SNX24: variants seen among roughly 807,000 people sequenced by gnomAD.
The protein encoded by SNX24 is sorting nexin-24.
In SNX24, 22 loss-of-function variants were observed where a neutral mutation model predicts 28.7. That is an observed-to-expected ratio of 0.77 (90% CI 0.55 to 1.10). SNX24 has a LOEUF of 1.10. SNX24 is among the 50% of genes least tolerant of loss of function. SNX24 has a pLI of 0.00. For missense variants in SNX24, 221 were observed against 201.1 expected, an observed-to-expected ratio of 1.10 and a Z score of -0.60; for synonymous variants, 69 against 71.5, an observed-to-expected ratio of 0.96 and a Z score of 0.18.
chr5:122,901,952 A>C lies in SNX24; in HGVS notation c.61-34782A>C, dbSNP rs548476506. On this transcript the variant is annotated intron_variant, in intron 1 of 6. Transcript: ENST00000261369. ...CGTTCCATCTTTCTCTCTTCCATAA[A>C]CAAACAATATTCTTTTGTCTTATAT... Among the ~76,000 whole-genome samples the C allele has an allele frequency of 2.0e-4, 30 of 152,286 alleles. 1 individual carries two copies. The South Asian group carries it at 5.4e-3, about 27-fold the overall frequency.
intron 1 of SNX24, among the ~76,000 whole-genome samples, chr5:122,895,378 T>C (rs1449577117): frequency 1.3e-5 from 2 of 152,196 alleles, no homozygotes; most frequent in Non-Finnish European, 2.9e-5. Context: ...AGAGCTGGGT[T>C]AAAAAGTAAT....
At chr5:122,922,765 C>A (rs1212077170) in intron 1 of SNX24, among the ~76,000 whole-genome samples, 2 of 152,094 alleles carry the variant, frequency 1.3e-5, no homozygotes, top group Non-Finnish European at 2.9e-5. Flanking sequence ...CAGGTAATCG[C>A]TTTCTAAAAC....
chr5:122,954,453 G>C (rs1035886925), intron 3 of SNX24, among the ~76,000 whole-genome samples: 1 of 151,680 alleles, frequency 6.6e-6, no homozygotes, highest in African/African-American at 2.4e-5. Context: ...AGCCATCGGT[G>C]CTATCACTCC....
intron 1 of SNX24, among the ~76,000 whole-genome samples, chr5:122,903,717 A>T (rs1276073843): frequency 6.6e-6 from 1 of 152,138 alleles, no homozygotes; most frequent in African/African-American, 2.4e-5. Context: ...ACTGTGGTGT[A>T]TCTATTCTGT....
chr5:122,972,267 T>G (rs1038849162), intron 3 of SNX24, among the ~76,000 whole-genome samples: 3 of 152,154 alleles, frequency 2.0e-5, no homozygotes, highest in African/African-American at 7.2e-5. Context: ...TAGCAGAACA[T>G]AATGTCGAGG....
intron 1 of SNX24, among the ~76,000 whole-genome samples, chr5:122,865,504 T>G (rs1561522834): frequency 1.3e-5 from 2 of 152,176 alleles, no homozygotes; most frequent in African/African-American, 4.8e-5. Flanking sequence ...CTAATTTTTG[T>G]ATTTTTAGTA....
intron 1 of SNX24, among the ~76,000 whole-genome samples, chr5:122,913,482 G>A (rs1474439853): frequency 9.9e-4 from 150 of 151,908 alleles, no homozygotes; most frequent in Middle Eastern, 6.8e-3. Context: ...GCTGCCTGGC[G>A]TAGACGCTCC....
At chr5:122,864,849 C>G (rs1755648032) in intron 1 of SNX24, among the ~76,000 whole-genome samples, 1 of 152,240 alleles carries the variant, frequency 6.6e-6, no homozygotes, top group Non-Finnish European at 1.5e-5. Context: ...TTTCTTAGTC[C>G]TACAAAGGCA....
intron 3 of SNX24, among the ~76,000 whole-genome samples, chr5:122,978,390 G>A (rs1761254512): frequency 1.3e-5 from 2 of 152,100 alleles, no homozygotes; most frequent in Non-Finnish European, 1.5e-5. Context: ...TCTTCTCAGG[G>A]GCAGTTCTAA....
At chr5:122,873,002 T>C (rs558837401) in intron 1 of SNX24, among the ~76,000 whole-genome samples, 1 of 152,290 alleles carries the variant, frequency 6.6e-6, no homozygotes, top group South Asian at 2.1e-4. Context: ...GGTTTTGTTC[T>C]GTCACCCTGG....
At chr5:122,897,495 A>G (rs2150076166) in intron 1 of SNX24, among the ~76,000 whole-genome samples, 1 of 152,316 alleles carries the variant, frequency 6.6e-6, no homozygotes, top group East Asian at 1.9e-4. Flanking sequence ...AGAATGGATC[A>G]TTTTGAACTT....
intron 1 of SNX24, among the ~76,000 whole-genome samples, chr5:122,871,639 A>G (rs1307834748): frequency 6.6e-6 from 1 of 152,044 alleles, no homozygotes; most frequent in African/African-American, 2.4e-5. Context: ...GTGTGGTGAC[A>G]TGCGCCTGTA....
intron 1 of SNX24, among the ~76,000 whole-genome samples, chr5:122,856,420 G>A (rs1442572605): frequency 6.6e-6 from 1 of 151,130 alleles, no homozygotes; most frequent in Non-Finnish European, 1.5e-5. Flanking sequence ...TGTGAATAGT[G>A]CTGTGATGAA....
intron 1 of SNX24, among the ~76,000 whole-genome samples, chr5:122,879,333 G>C (rs1276320040): frequency 6.6e-6 from 1 of 152,240 alleles, no homozygotes; most frequent in Non-Finnish European, 1.5e-5. Context: ...AGTGAGGCAA[G>C]AATAAAGGTA....
chr5:122,866,091 C>G (rs1324099954), intron 1 of SNX24, among the ~76,000 whole-genome samples: 1 of 152,170 alleles, frequency 6.6e-6, no homozygotes, highest in Non-Finnish European at 1.5e-5. Context: ...GGAGGAAATA[C>G]TCATGACAAT....
intron 1 of SNX24, chr5:122,891,084 G>T: frequency 1.3e-6 from 2 of 1,534,822 alleles, no homozygotes; most frequent in Non-Finnish European, 1.8e-6. Flanking sequence ...TGAAGTTATT[G>T]TTCTGGAAAT....
intron 1 of SNX24, among the ~76,000 whole-genome samples, chr5:122,925,642 C>A (rs1004004042): frequency 1.3e-5 from 2 of 152,090 alleles, no homozygotes; most frequent in Non-Finnish European, 1.5e-5. Flanking sequence ...CTATAAGAAA[C>A]CCTATCTTAT....
intron 1 of SNX24, among the ~76,000 whole-genome samples, chr5:122,923,908 C>T (rs947217028): frequency 3.3e-5 from 5 of 152,176 alleles, no homozygotes; most frequent in Admixed American, 6.5e-5. Context: ...AGACAGAAAA[C>T]ACTTTTAAAG....
intron 1 of SNX24, among the ~76,000 whole-genome samples, chr5:122,875,457 G>C (rs1433040924): frequency 6.6e-6 from 1 of 152,226 alleles, no homozygotes; most frequent in African/African-American, 2.4e-5. Context: ...GGCTTATGCA[G>C]TCTAGGAGTG....
Sources: gnomAD v4.1 joint callset for allele counts (sites outside exome capture counted in the v4.1 genomes callset) on GRCh38, gnomAD v4.1.1 for gene constraint, MANE v1.5 for transcripts, NCBI Gene and HGNC (gene_info 2026-07-23, HGNC 2026-07-21) for gene names.